RNF228: variants seen among roughly 807,000 people sequenced by gnomAD.
RNF228 encodes ring finger protein 228.
chr2:222,317,769 T>C, the RNF228 span: 1 of 152,200 alleles, frequency 6.6e-6, no homozygotes, highest in Non-Finnish European at 1.5e-5. Flanking sequence ...ATATCTTTTG[T>C]AGCCAAAGGC....
chr2:222,319,349 G>C, the RNF228 span: 3 of 353,474 alleles, frequency 8.5e-6, no homozygotes, highest in African/African-American at 4.3e-5. The surrounding 1 kb of genome is among the most constrained non-coding windows in gnomAD (Gnocchi z 7.6). Flanking sequence ...GGAAGGAGAA[G>C]ACCACGCACA....
At chr2:222,315,933 A>G in the RNF228 span, among the ~76,000 whole-genome samples, 2 of 152,198 alleles carry the variant, frequency 1.3e-5, no homozygotes, top group South Asian at 4.1e-4. Flanking sequence ...CATGGGGACC[A>G]GGAGTTTCCA....
the RNF228 span, chr2:222,318,916 C>G: frequency 6.6e-6 from 1 of 152,418 alleles, no homozygotes; most frequent in African/African-American, 2.4e-5. Context: ...CAGGAGAGCC[C>G]GGGGGCAGCA....
chr2:222,319,405 C>G, the RNF228 span: 2 of 274,964 alleles, frequency 7.3e-6, no homozygotes, highest in Non-Finnish European at 1.4e-5. This position sits in a 1 kb window ranked among gnomAD's most constrained non-coding sequence, Gnocchi z 7.6. Flanking sequence ...TGGCAGCTGT[C>G]GTAGGCGCCC....
chr2:222,315,294 A>T, the RNF228 span, among the ~76,000 whole-genome samples: 1 of 152,226 alleles, frequency 6.6e-6, no homozygotes, highest in Admixed American at 6.5e-5. Flanking sequence ...GATCAAATGG[A>T]TGACCAGATA....
chr2:222,314,637 A>G, the RNF228 span, among the ~76,000 whole-genome samples: 1 of 152,354 alleles, frequency 6.6e-6, no homozygotes, highest in East Asian at 1.9e-4. Flanking sequence ...TAAATGATTA[A>G]AGAGGGTACG....
the RNF228 span, among the ~76,000 whole-genome samples, chr2:222,315,273 A>G: frequency 1.3e-5 from 2 of 152,224 alleles, no homozygotes; most frequent in Non-Finnish European, 2.9e-5. Flanking sequence ...AGAACTGGTT[A>G]AGGCTTTGCA....
At chr2:222,319,760 CGCGGCGGCA>C in the RNF228 span, among the ~76,000 whole-genome samples, 1 of 141,440 alleles carries the variant, frequency 7.1e-6, no homozygotes, top group African/African-American at 2.6e-5. This position sits in a 1 kb window ranked among gnomAD's most constrained non-coding sequence, Gnocchi z 7.6. Flanking sequence ...GGCGCTCAGG[CGCGGCGGCA>C]GCGGCGGCGG....
the RNF228 span, among the ~76,000 whole-genome samples, chr2:222,316,536 T>C: frequency 6.6e-6 from 1 of 152,210 alleles, no homozygotes; most frequent in Non-Finnish European, 1.5e-5. Flanking sequence ...TTGGCATACT[T>C]CTCTGGAGCA....
At chr2:222,318,064 A>C in the RNF228 span, 1 of 152,236 alleles carries the variant, frequency 6.6e-6, no homozygotes. Flanking sequence ...GGCGAGGGGA[A>C]GGAGAAAATC....
At chr2:222,314,178 T>C in the RNF228 span, among the ~76,000 whole-genome samples, 3 of 152,232 alleles carry the variant, frequency 2.0e-5, no homozygotes, top group African/African-American at 7.2e-5. Context: ...TATTTTATAA[T>C]CAGAAATTAT....
At chr2:222,319,419 G>A in the RNF228 span, 1 of 250,718 alleles carries the variant, frequency 4.0e-6, no homozygotes. The surrounding 1 kb of genome is among the most constrained non-coding windows in gnomAD (Gnocchi z 7.6). Context: ...GGCGCCCGGG[G>A]CGCGCAGGCC....
the RNF228 span, among the ~76,000 whole-genome samples, chr2:222,314,776 G>A: frequency 3.9e-5 from 6 of 152,280 alleles, no homozygotes; most frequent in Non-Finnish European, 8.8e-5. Flanking sequence ...GGCAAAGATT[G>A]AATACTTAAG....
At chr2:222,316,821 G>A in the RNF228 span, among the ~76,000 whole-genome samples, 1 of 152,190 alleles carries the variant, frequency 6.6e-6, no homozygotes, top group Non-Finnish European at 1.5e-5. Flanking sequence ...AATAAAGAAT[G>A]AATAAGAGGT....
chr2:222,314,875 G>T, the RNF228 span, among the ~76,000 whole-genome samples: 2 of 152,162 alleles, frequency 1.3e-5, no homozygotes, highest in Non-Finnish European at 2.9e-5. Flanking sequence ...TCCCAGTTAC[G>T]CAGGTGCTGC....
the RNF228 span, among the ~76,000 whole-genome samples, chr2:222,315,218 T>C: frequency 6.6e-6 from 1 of 152,150 alleles, no homozygotes. Flanking sequence ...GAGTGTCCCT[T>C]CAGCAGACTC....
the RNF228 span, among the ~76,000 whole-genome samples, chr2:222,315,394 ATAT>A: frequency 1.3e-5 from 2 of 152,218 alleles, no homozygotes; most frequent in Non-Finnish European, 2.9e-5. Context: ...AGTATAACAC[ATAT>A]TATACAAAGT....
At chr2:222,316,040 G>A in the RNF228 span, among the ~76,000 whole-genome samples, 2 of 151,830 alleles carry the variant, frequency 1.3e-5, no homozygotes, top group African/African-American at 2.4e-5. Flanking sequence ...AAGATGAAGA[G>A]TTGCCATGGG....
the RNF228 span, among the ~76,000 whole-genome samples, chr2:222,319,830 T>G: frequency 2.0e-5 from 3 of 151,018 alleles, no homozygotes; most frequent in African/African-American, 7.3e-5. The surrounding 1 kb of genome is among the most constrained non-coding windows in gnomAD (Gnocchi z 7.6). Flanking sequence ...GCAGAAGGTG[T>G]GCAAGCACGC....
Sources: allele counts gnomAD v4.1 joint callset (sites outside exome capture counted in the v4.1 genomes callset), GRCh38; gene constraint gnomAD v4.1.1; non-coding constraint Gnocchi (gnomAD v3.1); transcripts MANE v1.5; gene names NCBI Gene and HGNC (gene_info 2026-07-23, HGNC 2026-07-21).